The following CALN1 variants were observed in gnomAD, a reference collection of about 807,000 sequenced individuals.
CALN1 encodes the protein calneuron 1.
CALN1 carries 17 observed loss-of-function variants against 30.6 expected under a neutral mutation model. The observed-to-expected ratio is 0.56, with a 90% CI of 0.38 to 0.83. The LOEUF is 0.83. CALN1 is among the 40% of genes least tolerant of loss of function. CALN1 has a pLI of 0.00. For missense variants in CALN1, 291 were observed against 354.9 expected, an observed-to-expected ratio of 0.82 and a Z score of 1.45; for synonymous variants, 156 against 131.4, an observed-to-expected ratio of 1.19 and a Z score of -1.28.
chr7:72,414,073 C>G (rs1483314601), upstream of CALN1, among the ~76,000 whole-genome samples: 4 of 152,096 alleles, frequency 2.6e-5, no homozygotes. Flanking sequence ...CCCACTAATA[C>G]CGTATCTTCC....
intron 3 of CALN1, among the ~76,000 whole-genome samples, chr7:72,112,416 A>C (rs1423957632): frequency 6.6e-6 from 1 of 152,212 alleles, no homozygotes; most frequent in Non-Finnish European, 1.5e-5. Flanking sequence ...TCATTGCATA[A>C]AGTGATGGCT....
chr7:72,229,301 T>C (rs886530489), intron 3 of CALN1, among the ~76,000 whole-genome samples: 17 of 151,988 alleles, frequency 1.1e-4, no homozygotes, highest in African/African-American at 4.1e-4. Flanking sequence ...GTGAGCCCAA[T>C]GTAATCACAA....
chr7:72,056,939 T>C lies in CALN1; in HGVS notation c.389-33170A>G, dbSNP rs116340927. Among the ~76,000 whole-genome samples, 480 of 152,212 alleles carry C rather than the reference T, an allele frequency of 3.2e-3. 6 individuals are homozygous for C. Among genetic ancestry groups the C allele is most frequent in the Middle Eastern group, 0.01 (3 of 294 alleles). On this transcript the variant is annotated intron_variant, in intron 4 of 6. Transcript: ENST00000395275. ...CAATGTTATTTCATTTTTGTTGTTG[T>C]TGTTGTTTTGTTTGTTTTAAAAACA...
intron 5 of CALN1, among the ~76,000 whole-genome samples, chr7:71,977,443 T>A (rs1026943949): frequency 6.6e-6 from 1 of 151,848 alleles, no homozygotes; most frequent in Non-Finnish European, 1.5e-5. Context: ...TCAAAATTTT[T>A]AAATAAATAA....
intron 3 of CALN1, among the ~76,000 whole-genome samples, chr7:72,111,325 A>G (rs1807560881): frequency 6.6e-6 from 1 of 152,228 alleles, no homozygotes; most frequent in South Asian, 2.1e-4. Context: ...GTCGCCCAGA[A>G]TCAAAGTTGG....
chr7:72,211,226 C>A (rs574031933), intron 3 of CALN1, among the ~76,000 whole-genome samples: 1 of 152,122 alleles, frequency 6.6e-6, no homozygotes, highest in Non-Finnish European at 1.5e-5. Flanking sequence ...GTCTCTGCAC[C>A]TCTTTTCCCT....
At chr7:72,342,127 G>C (rs1230415558) in intron 2 of CALN1, among the ~76,000 whole-genome samples, 3 of 152,186 alleles carry the variant, frequency 2.0e-5, no homozygotes, top group South Asian at 4.2e-4. Context: ...AGGTGTGGTA[G>C]CATGTGCCTG....
rs139578022 is a variant in CALN1, at chr7:71,936,927, C to A, written c.501+86730G>T. ...TCTGCTTTTGTATCTCCCTCATTTT[C>A]TCTTGCTGCCACCATATAAGAAGTG... On this transcript the variant is annotated intron_variant, in intron 5 of 6. Coordinates refer to ENST00000395275, the MANE Select transcript of CALN1 (RefSeq NM_031468.4). Among the ~76,000 whole-genome samples the A allele has an allele frequency of 3.9e-4, 59 of 151,602 alleles. 1 individual carries two copies. In the East Asian group the frequency reaches 8.3e-3, roughly 21 times the overall value.
chr7:71,831,996 C>T (rs770910688), intron 5 of CALN1, among the ~76,000 whole-genome samples: 6 of 151,772 alleles, frequency 4.0e-5, no homozygotes, highest in Admixed American at 6.6e-5. Context: ...TTGATAGGCC[C>T]GTTAATGATG....
At chr7:71,963,457 A>G (rs528296894) in intron 5 of CALN1, among the ~76,000 whole-genome samples, 43 of 152,162 alleles carry the variant, frequency 2.8e-4, no homozygotes, top group African/African-American at 5.3e-4. Context: ...CACTGTGCCC[A>G]GCCCACACAG....
the CALN1 span, among the ~76,000 whole-genome samples, chr7:72,477,162 G>A: frequency 6.6e-6 from 1 of 151,658 alleles, no homozygotes; most frequent in Non-Finnish European, 1.5e-5. Flanking sequence ...AGTGAGCTGA[G>A]ATCGTGCCAC....
In CALN1 at chr7:72,272,749, A is replaced by G. The variant is rs2129553580; in HGVS notation, c.244+5937T>C. On this transcript the variant is annotated intron_variant, in intron 3 of 6. Coordinates refer to ENST00000395275, the MANE Select transcript of CALN1 (RefSeq NM_031468.4). ...ACAATACATTGACAGTAAATCATGC[A>G]GTCACTCCCTACTTCACAGCCACTG... 1.3e-5 allele frequency among the ~76,000 whole-genome samples: 2 copies of G among 152,214 alleles called. 1 individual carries two copies. The highest frequency in any genetic ancestry group is 4.1e-4 in the South Asian group (2 of 4,828).
chr7:72,118,669 A>G (rs1366266522), intron 3 of CALN1, among the ~76,000 whole-genome samples: 1 of 152,248 alleles, frequency 6.6e-6, no homozygotes, highest in African/African-American at 2.4e-5. Context: ...AGGCAGGGCC[A>G]AAAGGAAAAT....
chr7:71,989,241 G>A (rs113359685), intron 5 of CALN1, among the ~76,000 whole-genome samples: 10 of 151,968 alleles, frequency 6.6e-5, no homozygotes, highest in Non-Finnish European at 4.4e-5. Flanking sequence ...AGTTCGAGAG[G>A]AGCCTGGCCA....
chr7:72,368,222 C>A (rs553214596), intron 2 of CALN1, among the ~76,000 whole-genome samples: 1 of 149,272 alleles, frequency 6.7e-6, no homozygotes, highest in Non-Finnish European at 1.5e-5. Flanking sequence ...TATCTATGTG[C>A]GTGATATATA....
At chr7:72,031,132 C>A (rs1320694291) in intron 4 of CALN1, among the ~76,000 whole-genome samples, 1 of 152,212 alleles carries the variant, frequency 6.6e-6, no homozygotes, top group Admixed American at 6.5e-5. Context: ...CCCCAGCAGT[C>A]TGCCTGTGCT....
intron 5 of CALN1, among the ~76,000 whole-genome samples, chr7:71,862,650 G>C (rs111344053): frequency 6.6e-6 from 1 of 152,178 alleles, no homozygotes; most frequent in Non-Finnish European, 1.5e-5. Context: ...AGTTAGAATG[G>C]AAAGACAAAA....
intron 3 of CALN1, among the ~76,000 whole-genome samples, chr7:72,238,356 A>G (rs1253467964): frequency 6.6e-6 from 1 of 152,186 alleles, no homozygotes; most frequent in Non-Finnish European, 1.5e-5. Context: ...TATTCCCTAG[A>G]AATTCATGGT....
chr7:72,181,953 G>A (rs955414732), intron 3 of CALN1, among the ~76,000 whole-genome samples: 13 of 152,202 alleles, frequency 8.5e-5, no homozygotes, highest in Non-Finnish European at 1.8e-4. Context: ...GGTATAGCAT[G>A]TTCAGTGATT....
Sources: allele counts gnomAD v4.1 joint callset (sites outside exome capture counted in the v4.1 genomes callset), GRCh38; gene constraint gnomAD v4.1.1; transcripts MANE v1.5; gene names NCBI Gene and HGNC (gene_info 2026-07-23, HGNC 2026-07-21).